The following KCNB2 variants were observed in gnomAD, a reference collection of about 807,000 sequenced individuals.
KCNB2 encodes the protein delayed rectifier potassium channel protein.
Under a neutral mutation model 61.5 loss-of-function variants are expected in KCNB2, and 15 were observed. That is an observed-to-expected ratio of 0.24 (90% confidence interval 0.16 to 0.38). KCNB2 has a LOEUF of 0.38. KCNB2 is among the 10% of genes least tolerant of loss of function. The pLI, the probability that KCNB2 is intolerant of heterozygous loss-of-function variation, is 1.00. For missense variants in KCNB2, 828 were observed against 1,125.2 expected (o/e 0.74, Z 3.78); for synonymous variants, 457 against 446.0 (o/e 1.02, Z -0.31).
intron 2 of KCNB2, among the ~76,000 whole-genome samples, chr8:72,582,298 T>C (rs1806913920): frequency 6.6e-6 from 1 of 152,174 alleles, no homozygotes; most frequent in African/African-American, 2.4e-5. Context: ...TGTTCAGGGC[T>C]TTAAGGAACT....
intron 1 of KCNB2, among the ~76,000 whole-genome samples, chr8:72,541,903 ATTAT>A (rs1260498780): frequency 3.3e-5 from 5 of 152,034 alleles, no homozygotes; most frequent in African/African-American, 7.2e-5. Flanking sequence ...TACTTTTAGA[ATTAT>A]TTGTTTTTTA....
chr8:72,923,683 T>G (rs1447576895), intron 2 of KCNB2, among the ~76,000 whole-genome samples: 1 of 150,752 alleles, frequency 6.6e-6, no homozygotes, highest in African/African-American at 2.5e-5. Flanking sequence ...ACTATACATT[T>G]GTCTGTACCA....
At position 72,769,980 on chromosome 8, in the gene KCNB2, C is replaced by G. The variant is rs147177796; in HGVS notation, c.580-165955C>G. The stretch of plus-strand genomic sequence containing the variant: ...CTCAAGCTTCCTTCATTATACAGAG[C>G]CCTGATAAAACCAAAGCCTGGGGAA... On this transcript the variant is annotated intron_variant, in intron 2 of 2. Coordinates refer to ENST00000523207, the MANE Select transcript of KCNB2 (RefSeq NM_004770.3). Among the ~76,000 whole-genome samples the G allele has an allele frequency of 3.0e-3, 457 of 152,260 alleles. 1 individual carries two copies. Among genetic ancestry groups the G allele is most frequent in the African/African-American group, 9.0e-3 (376 of 41,548 alleles).
chr8:72,665,018 A>G (rs1038528573), intron 2 of KCNB2, among the ~76,000 whole-genome samples: 5 of 152,210 alleles, frequency 3.3e-5, no homozygotes, highest in African/African-American at 1.2e-4. Flanking sequence ...AAAAAAGGCC[A>G]AGGGGAAAGG....
intron 2 of KCNB2, among the ~76,000 whole-genome samples, chr8:72,804,304 C>T (rs977988321): frequency 9.2e-5 from 14 of 151,974 alleles, no homozygotes; most frequent in African/African-American, 2.9e-4. Flanking sequence ...TTTTAACCTC[C>T]GTGTTACTAC....
At chr8:72,736,858 T>A (rs1277057618) in intron 2 of KCNB2, among the ~76,000 whole-genome samples, 1 of 152,148 alleles carries the variant, frequency 6.6e-6, no homozygotes, top group Non-Finnish European at 1.5e-5. Flanking sequence ...AAATTTAATA[T>A]TATTCCTGCT....
intron 2 of KCNB2, among the ~76,000 whole-genome samples, chr8:72,922,529 A>T (rs928971047): frequency 1.3e-5 from 2 of 152,196 alleles, no homozygotes; most frequent in Non-Finnish European, 2.9e-5. Flanking sequence ...GTAAGGGCTC[A>T]CTTTTTGCTT....
intron 2 of KCNB2, among the ~76,000 whole-genome samples, chr8:72,573,114 C>A (rs12547793): frequency 0.47 from 70,856 of 151,934 alleles, 20,088 homozygotes; most frequent in Non-Finnish European, 0.62. Context: ...GAGAACTAGT[C>A]CCCTATTCCA....
intron 2 of KCNB2, among the ~76,000 whole-genome samples, chr8:72,898,134 G>A (rs1003833356): frequency 7.2e-5 from 11 of 152,010 alleles, no homozygotes; most frequent in South Asian, 4.2e-4. Flanking sequence ...AGGAGGATTC[G>A]CATGTCTAAC....
intron 2 of KCNB2, among the ~76,000 whole-genome samples, chr8:72,808,154 A>T (rs1055697690): frequency 6.6e-6 from 1 of 152,196 alleles, no homozygotes; most frequent in Non-Finnish European, 1.5e-5. Flanking sequence ...GACAGGGATC[A>T]GTACTGCCCT....
chr8:72,777,025 T>C (rs535241766), intron 2 of KCNB2, among the ~76,000 whole-genome samples: 1 of 152,304 alleles, frequency 6.6e-6, no homozygotes, highest in African/African-American at 2.4e-5. Context: ...ACACAGGAAA[T>C]GTAGGCATCA....
chr8:72,886,467 A>C (rs899115059), intron 2 of KCNB2, among the ~76,000 whole-genome samples: 1 of 152,252 alleles, frequency 6.6e-6, no homozygotes, highest in Non-Finnish European at 1.5e-5. Flanking sequence ...TCTACTTAGA[A>C]AGATTTCCTC....
chr8:72,889,439 G>A (rs892292275), intron 2 of KCNB2, among the ~76,000 whole-genome samples: 1 of 152,162 alleles, frequency 6.6e-6, no homozygotes, highest in Non-Finnish European at 1.5e-5. Context: ...TGTAATGCCA[G>A]CACTTTGGGA....
intron 2 of KCNB2, among the ~76,000 whole-genome samples, chr8:72,807,993 A>G (rs910475793): frequency 5.9e-5 from 9 of 152,206 alleles, no homozygotes; most frequent in African/African-American, 2.2e-4. Context: ...GAGCTGAAAT[A>G]TTGCCAGAAT....
intron 2 of KCNB2, among the ~76,000 whole-genome samples, chr8:72,719,786 A>T (rs886966801): frequency 9.2e-5 from 14 of 152,160 alleles, no homozygotes; most frequent in Non-Finnish European, 1.9e-4. Flanking sequence ...AAAACAAAAC[A>T]AAAGAATGAA....
intron 2 of KCNB2, among the ~76,000 whole-genome samples, chr8:72,608,173 C>A (rs939088398): frequency 3.3e-5 from 5 of 152,026 alleles, no homozygotes; most frequent in Non-Finnish European, 7.4e-5. Context: ...TGAAGAAAGC[C>A]CCTTGGAGAA....
intron 2 of KCNB2, among the ~76,000 whole-genome samples, chr8:72,806,623 A>G (rs927048568): frequency 6.6e-6 from 1 of 152,122 alleles, no homozygotes; most frequent in African/African-American, 2.4e-5. Flanking sequence ...TCAAAAAAAA[A>G]AAAGATGAAT....
chr8:72,762,232 A>G (rs1808394351), intron 2 of KCNB2, among the ~76,000 whole-genome samples: 1 of 151,952 alleles, frequency 6.6e-6, no homozygotes, highest in Non-Finnish European at 1.5e-5. Flanking sequence ...TCTGTGATCG[A>G]TGGGGGATGT....
chr8:72,787,649 A>ACTCT (rs1457645335), intron 2 of KCNB2, among the ~76,000 whole-genome samples: 1 of 152,160 alleles, frequency 6.6e-6, no homozygotes, highest in African/African-American at 2.4e-5. Context: ...TGGAAATGGT[A>ACTCT]GATTTCAGAG....
Sources: gnomAD v4.1 joint callset for allele counts (sites outside exome capture counted in the v4.1 genomes callset) on GRCh38, gnomAD v4.1.1 for gene constraint, MANE v1.5 for transcripts, NCBI Gene and HGNC (gene_info 2026-07-23, HGNC 2026-07-21) for gene names.